Variants in HOMER1 observed in about 807,000 individuals in gnomAD.
The protein encoded by HOMER1 is homer protein homolog 1.
In HOMER1, 3 loss-of-function variants were observed where a neutral mutation model predicts 48.9. The ratio of observed to expected loss-of-function variants is 0.06; its 90% confidence interval spans 0.03 to 0.16. HOMER1 has a LOEUF of 0.16. Ranked by LOEUF, HOMER1 falls within the 10% of genes least tolerant of loss-of-function variation. The pLI is 1.00. For missense variants in HOMER1, 247 were observed against 411.4 expected, an observed-to-expected ratio of 0.60 and a Z score of 3.46; for synonymous variants, 134 against 146.4, an observed-to-expected ratio of 0.92 and a Z score of 0.61.
chr5:79,402,715 T>C (rs1432583255), intron 5 of HOMER1, among the ~76,000 whole-genome samples: 1 of 152,194 alleles, frequency 6.6e-6, no homozygotes, highest in African/African-American at 2.4e-5. Flanking sequence ...CCTAACAATG[T>C]ATTACATTTT....
chr5:79,485,269 G>A (rs992498235), intron 1 of HOMER1, among the ~76,000 whole-genome samples: 4 of 152,112 alleles, frequency 2.6e-5, no homozygotes, highest in African/African-American at 9.7e-5. Flanking sequence ...TGCCACGCAC[G>A]GGGTGATAGA....
intron 5 of HOMER1, among the ~76,000 whole-genome samples, chr5:79,408,229 T>C (rs1371210394): frequency 6.6e-6 from 1 of 152,166 alleles, no homozygotes; most frequent in Non-Finnish European, 1.5e-5. Flanking sequence ...TCACAGATGA[T>C]GCAATCCAGA....
intron 8 of HOMER1, among the ~76,000 whole-genome samples, chr5:79,395,699 T>C (rs1211125575): frequency 6.6e-6 from 1 of 152,206 alleles, no homozygotes; most frequent in East Asian, 1.9e-4. Context: ...ACTAAAATAA[T>C]GTATTTTGAC....
At chr5:79,408,803 G>T (rs1329722535) in intron 5 of HOMER1, among the ~76,000 whole-genome samples, 1 of 123,924 alleles carries the variant, frequency 8.1e-6, no homozygotes, top group Non-Finnish European at 2.1e-5. Flanking sequence ...AAATTGAAGA[G>T]GCCAAGGGGG....
intron 1 of HOMER1, among the ~76,000 whole-genome samples, chr5:79,495,572 G>T (rs569022523): frequency 6.6e-6 from 1 of 152,168 alleles, no homozygotes; most frequent in Admixed American, 6.5e-5. Context: ...CATGACTCAC[G>T]ACACAAATTA....
intron 2 of HOMER1, among the ~76,000 whole-genome samples, chr5:79,454,998 G>A (rs1013131957): frequency 6.6e-6 from 1 of 151,914 alleles, no homozygotes; most frequent in South Asian, 2.1e-4. Flanking sequence ...AAGAGACAGG[G>A]TCTCGCTCTG....
chr5:79,477,736 A>G lies in HOMER1; in HGVS notation c.6-20718T>C, dbSNP rs1026642671. Among the ~76,000 whole-genome samples, 19 of 152,264 alleles carry G rather than the reference A, an allele frequency of 1.2e-4. 1 individual carries two copies. Among genetic ancestry groups the G allele is most frequent in the African/African-American group, 4.8e-5 (2 of 41,468 alleles). On this transcript the variant is annotated intron_variant, in intron 1 of 8. Transcript: ENST00000334082. Reference sequence around the variant, plus strand: ...AATTTGAGAGAAGACAATGACATGGATGCTTCAGCACAACCACCTTTAAAT... The same window carrying G: ...AATTTGAGAGAAGACAATGACATGGGTGCTTCAGCACAACCACCTTTAAAT...
At chr5:79,397,691 T>C in intron 6 of HOMER1, 54 bp from the exon 7 acceptor site, 1 of 1,017,780 alleles carries the variant, frequency 9.8e-7, no homozygotes, top group Non-Finnish European at 1.5e-6. Context: ...AAAGAGTTTC[T>C]TGCTAAATAC....
chr5:79,380,845 A>T (rs1168171223), intron 8 of HOMER1, among the ~76,000 whole-genome samples: 1 of 152,160 alleles, frequency 6.6e-6, no homozygotes, highest in Admixed American at 6.5e-5. Context: ...ACCTACCTGC[A>T]CATACCACCT....
intron 5 of HOMER1, among the ~76,000 whole-genome samples, chr5:79,413,899 T>C (rs1054891128): frequency 1.3e-5 from 2 of 152,074 alleles, no homozygotes; most frequent in Non-Finnish European, 2.9e-5. Context: ...TAAATAATAC[T>C]TATTGTCAAA....
At chr5:79,467,838 G>A (rs1751515138) in intron 1 of HOMER1, among the ~76,000 whole-genome samples, 1 of 152,086 alleles carries the variant, frequency 6.6e-6, no homozygotes, top group Admixed American at 6.6e-5. Context: ...GTGCAGTGGT[G>A]CGATCAGAGC....
rs146666236 is a variant in HOMER1 at position 79,495,180 on chromosome 5, T to C, written c.5+17590A>G. Among the ~76,000 whole-genome samples the C allele has an allele frequency of 9.6e-4, 146 of 152,286 alleles. 1 individual carries two copies. The highest frequency in any genetic ancestry group is 3.3e-3 in the African/African-American group (139 of 41,550). On this transcript the variant is annotated intron_variant, in intron 1 of 8. Coordinates refer to ENST00000334082, the MANE Select transcript of HOMER1 (RefSeq NM_004272.5). ...ATCAAAAATATTTGAAAACCATTAA[T>C]CTAGAGGAAGAGTACAATCCTCTTA...
intron 1 of HOMER1, among the ~76,000 whole-genome samples, chr5:79,499,019 A>T (rs1314870455): frequency 6.6e-6 from 1 of 151,968 alleles, no homozygotes; most frequent in African/African-American, 2.4e-5. Flanking sequence ...TATTTTTAGT[A>T]GAGACGGGGT....
intron 1 of HOMER1, among the ~76,000 whole-genome samples, chr5:79,473,209 C>T (rs913791253): frequency 5.3e-5 from 8 of 152,226 alleles, no homozygotes; most frequent in African/African-American, 1.4e-4. Context: ...CAAGCAAATA[C>T]TAAAGCAAGT....
intron 5 of HOMER1, among the ~76,000 whole-genome samples, chr5:79,405,080 C>G (rs1749630881): frequency 6.6e-6 from 1 of 152,032 alleles, no homozygotes; most frequent in Non-Finnish European, 1.5e-5. Context: ...GAAGTTCTAA[C>G]TCCCAGGATC....
At chr5:79,469,168 A>C (rs1751554858) in intron 1 of HOMER1, among the ~76,000 whole-genome samples, 1 of 152,200 alleles carries the variant, frequency 6.6e-6, no homozygotes, top group Non-Finnish European at 1.5e-5. Context: ...CCATTGTGAA[A>C]GGGTGAGCTG....
intron 5 of HOMER1, among the ~76,000 whole-genome samples, chr5:79,415,812 A>C (rs1160326915): frequency 6.6e-6 from 1 of 152,216 alleles, no homozygotes; most frequent in African/African-American, 2.4e-5. Flanking sequence ...AATTGCTGTA[A>C]CAGCTGGTTA....
At chr5:79,405,882 A>AG (rs1478394587) in intron 5 of HOMER1, among the ~76,000 whole-genome samples, 1 of 152,208 alleles carries the variant, frequency 6.6e-6, no homozygotes, top group African/African-American at 2.4e-5. Flanking sequence ...ATTTCACACT[A>AG]GTTTTGGGTA....
At chr5:79,409,639 A>G (rs897331485) in intron 5 of HOMER1, among the ~76,000 whole-genome samples, 4 of 152,198 alleles carry the variant, frequency 2.6e-5, no homozygotes, top group African/African-American at 9.7e-5. Context: ...CATCTATCTG[A>G]TAAGGGATTA....
Sources: gnomAD v4.1 joint callset for allele counts (sites outside exome capture counted in the v4.1 genomes callset) on GRCh38, gnomAD v4.1.1 for gene constraint, MANE v1.5 for transcripts, NCBI Gene and HGNC (gene_info 2026-07-23, HGNC 2026-07-21) for gene names.